RAB11FIP4: variants seen among roughly 807,000 people sequenced by gnomAD.
RAB11FIP4 encodes the protein RAB11 family interacting protein 4.
Under a neutral mutation model 74.3 loss-of-function variants are expected in RAB11FIP4, and 23 were observed. The ratio of observed to expected loss-of-function variants is 0.31; its 90% CI spans 0.22 to 0.44. The LOEUF (loss-of-function observed/expected upper bound fraction) is 0.44, where lower values mean the gene tolerates loss of function less well. Ranked by LOEUF, RAB11FIP4 falls within the 20% of genes least tolerant of loss-of-function variation. The probability of loss-of-function intolerance (pLI) is 1.00; values close to 1 mark genes in which losing one functional copy is unlikely to be tolerated. For synonymous variants in RAB11FIP4, 360 were observed against 359.9 expected, an observed-to-expected ratio of 1.00 and a Z score of 0.00; for missense variants, 630 against 863.9, an observed-to-expected ratio of 0.73 and a Z score of 3.39.
chr17:31,508,080 A>T (rs1336648097), intron 3 of RAB11FIP4, among the ~76,000 whole-genome samples: 2 of 152,180 alleles, frequency 1.3e-5, no homozygotes, highest in Non-Finnish European at 2.9e-5. Flanking sequence ...CAGCCACTTC[A>T]GCCTCCCAAA....
At chr17:31,501,975 G>A (rs2072230390) in intron 3 of RAB11FIP4, among the ~76,000 whole-genome samples, 1 of 152,080 alleles carries the variant, frequency 6.6e-6, no homozygotes, top group South Asian at 2.1e-4. Context: ...ATCCCAGCAC[G>A]TTGGGAGGCC....
intron 3 of RAB11FIP4, among the ~76,000 whole-genome samples, chr17:31,444,762 G>A (rs2071436061): frequency 6.6e-6 from 1 of 152,130 alleles, no homozygotes; most frequent in Non-Finnish European, 1.5e-5. Flanking sequence ...AAAAATTTGG[G>A]TTTTATGAAC....
rs541345321 is a variant in RAB11FIP4 at position 31,403,460 on chromosome 17, C to T, written c.159+11449C>T. Reference sequence around the variant, plus strand: ...GCCTCAGCCTCCCAAGTAGCTGGGACTACAGGAGTGCACCACCACACCCAG... The same window carrying T: ...GCCTCAGCCTCCCAAGTAGCTGGGATTACAGGAGTGCACCACCACACCCAG... On this transcript the variant is annotated intron_variant, in intron 1 of 14. Transcript: ENST00000621161. 2.2e-3 allele frequency among the ~76,000 whole-genome samples: 333 copies of T among 152,064 alleles called. 3 individuals carry two copies. Among genetic ancestry groups the T allele is most frequent in the African/African-American group, 7.8e-3 (323 of 41,468 alleles).
chr17:31,488,285 C>A, intron 3 of RAB11FIP4: 1 of 1,176,244 alleles, frequency 8.5e-7, no homozygotes. Flanking sequence ...AAGCGGCGGC[C>A]CCGGGGCTGG....
rs577702706 is a variant in RAB11FIP4 at position 31,525,269 on chromosome 17, C to T, written c.1274+39C>T. The T allele has an allele frequency of 3.6e-4, 545 of 1,521,614 alleles. 3 individuals are homozygous for T. The highest frequency in any genetic ancestry group is 3.6e-4 in the Non-Finnish European group (413 of 1,133,294). 94.3% of individuals were successfully genotyped at this position (1,521,614 alleles called of 1,614,324 possible). ...CCGAGCCCCCTCCCTCAGAGGGACC[C>T]CCTGTCCTGGGGCAGCCCTGTGGGA... is the stretch of plus-strand genomic sequence containing the variant. On this transcript the variant is annotated intron_variant, in intron 10 of 14. Transcript: ENST00000621161.
chr17:31,467,099 CTTTCTTTTCT>C (rs137979635), intron 3 of RAB11FIP4, among the ~76,000 whole-genome samples: 92 of 149,000 alleles, frequency 6.2e-4, no homozygotes, highest in Middle Eastern at 3.5e-3. Context: ...CTGAGTATTT[CTTTCTTTTCT>C]TTTCTTTTCT....
intron 1 of RAB11FIP4, among the ~76,000 whole-genome samples, chr17:31,394,941 G>A (rs866497376): frequency 5.1e-5 from 6 of 116,836 alleles, no homozygotes; most frequent in East Asian, 2.5e-4. Flanking sequence ...CGGGGGGCGG[G>A]GGGGGGGGGC....
chr17:31,459,757 A>G (rs1177013363), intron 3 of RAB11FIP4, among the ~76,000 whole-genome samples: 1 of 45,900 alleles, frequency 2.2e-5, no homozygotes, highest in Non-Finnish European at 4.5e-5. Flanking sequence ...CCCCCCACCC[A>G]AAGCAGCCTC....
rs114774673 is a variant in RAB11FIP4, at chr17:31,502,196, C to T, written c.337-15455C>T. ...CTGAGATGGTGCCATCGCACTCTGG[C>T]CTGGTTGACAGAGCGATACCTTGTC... On this transcript the variant is annotated intron_variant, in intron 3 of 14. Coordinates refer to ENST00000621161, the MANE Select transcript of RAB11FIP4 (RefSeq NM_032932.6). Among the ~76,000 whole-genome samples, 616 of 150,850 alleles carry T rather than the reference C, an allele frequency of 4.1e-3. 3 individuals carry two copies. Among genetic ancestry groups the T allele is most frequent in the African/African-American group, 0.014 (573 of 40,998 alleles).
chr17:31,516,462 CAG>C (rs1190631063), intron 3 of RAB11FIP4, among the ~76,000 whole-genome samples: 2 of 152,198 alleles, frequency 1.3e-5, no homozygotes, highest in South Asian at 4.1e-4. Context: ...GCAACAAAAA[CAG>C]AGATTTATTT....
At chr17:31,502,633 G>A (rs2072243721) in intron 3 of RAB11FIP4, among the ~76,000 whole-genome samples, 1 of 152,110 alleles carries the variant, frequency 6.6e-6, no homozygotes, top group South Asian at 2.1e-4. Context: ...GTTCTCTTTT[G>A]TTATCAGGGT....
chr17:31,479,193 G>C (rs1440470119), intron 3 of RAB11FIP4, among the ~76,000 whole-genome samples: 2 of 152,176 alleles, frequency 1.3e-5, no homozygotes, highest in Non-Finnish European at 2.9e-5. Flanking sequence ...ATCAACAATA[G>C]GCTGCAGGGA....
Position 31,490,318 on chromosome 17 carries a change from G to T in RAB11FIP4, c.337-27333G>T, listed in dbSNP as rs533134275. 1.4e-3 allele frequency among the ~76,000 whole-genome samples: 216 copies of T among 152,248 alleles called. 10 individuals are homozygous for T. The South Asian group carries it at 0.043, about 31-fold the overall frequency. The stretch of plus-strand genomic sequence containing the variant: ...CATCTGTACCCGTAGGTATCTGGCA[G>T]TCCCCGATCTGGGCAGCCCGTTATG... On this transcript the variant is annotated intron_variant, in intron 3 of 14. Transcript: ENST00000621161.
intron 14 of RAB11FIP4, 37 bp downstream of exon 14, chr17:31,530,506 C>T (rs375732879): frequency 2.4e-5 from 38 of 1,599,128 alleles, no homozygotes; most frequent in Middle Eastern, 2.0e-4. Flanking sequence ...GGGGCCTGGC[C>T]GCCCTCTGTG....
At chr17:31,522,317 C>A (rs541371122) in intron 6 of RAB11FIP4, 43 bp from the exon 7 acceptor site, 1 of 1,601,018 alleles carries the variant, frequency 6.2e-7, no homozygotes, top group Non-Finnish European at 8.5e-7. Context: ...AGGGAGTGGA[C>A]TAGAACCCCT....
chr17:31,510,357 C>T (rs2072429225), intron 3 of RAB11FIP4, among the ~76,000 whole-genome samples: 1 of 152,234 alleles, frequency 6.6e-6, no homozygotes. Context: ...TGTGTCCACC[C>T]CCACCGCACA....
chr17:31,490,845 C>T (rs560730460), intron 3 of RAB11FIP4, among the ~76,000 whole-genome samples: 5 of 152,340 alleles, frequency 3.3e-5, no homozygotes, highest in Middle Eastern at 6.8e-3. Context: ...GCATGAGCCA[C>T]CACACCCAGC....
chr17:31,462,698 G>A (rs1289513349), intron 3 of RAB11FIP4, among the ~76,000 whole-genome samples: 1 of 152,092 alleles, frequency 6.6e-6, no homozygotes, highest in Non-Finnish European at 1.5e-5. Flanking sequence ...GTGCAGTGGT[G>A]TGATTTTGGC....
At chr17:31,525,860 CGAG>C (rs763603835) in intron 10 of RAB11FIP4, 2 of 152,266 alleles carry the variant, frequency 1.3e-5, no homozygotes, top group Non-Finnish European at 2.9e-5. Context: ...TGACCGAGGC[CGAG>C]GAGGCCGCCT....
Sources: gnomAD v4.1 joint callset for allele counts (sites outside exome capture counted in the v4.1 genomes callset) on GRCh38, gnomAD v4.1.1 for gene constraint, MANE v1.5 for transcripts, NCBI Gene and HGNC (gene_info 2026-07-23, HGNC 2026-07-21) for gene names.